RAP1GAP2: variants seen among roughly 807,000 people sequenced by gnomAD.
RAP1GAP2 encodes the protein RAP1 GTPase activating protein 2, also known as rap1 GTPase-activating protein 2.
A neutral mutation model predicts 95.0 loss-of-function variants in RAP1GAP2; 27 were observed. That is an observed-to-expected ratio of 0.28 (90% CI 0.21 to 0.39). The LOEUF is 0.39. Among genes scored for constraint, RAP1GAP2 ranks in the 10% least tolerant of loss-of-function variants. RAP1GAP2 has a pLI of 1.00. For missense variants in RAP1GAP2, 771 were observed against 970.0 expected (o/e 0.79, Z 2.72); for synonymous variants, 373 against 380.9 (o/e 0.98, Z 0.24).
At chr17:2,849,671 G>T (rs4550484) in intron 2 of RAP1GAP2, among the ~76,000 whole-genome samples, 19,053 of 152,198 alleles carry the variant, frequency 0.13, 2,226 homozygotes, top group East Asian at 0.32. Flanking sequence ...GGCAGCTGCC[G>T]GGCACTTTGT....
At chr17:2,991,047 G>A (rs866454592) in intron 11 of RAP1GAP2, among the ~76,000 whole-genome samples, 6 of 151,884 alleles carry the variant, frequency 4.0e-5, no homozygotes, top group Admixed American at 6.6e-5. Context: ...GTTTCACCAT[G>A]TTGGCCAGGC....
rs1264436055 is a variant in RAP1GAP2, at chr17:2,789,652, T to C, written c.-13-10863T>C. On this transcript the variant is annotated intron_variant, in intron 1 of 24. Transcript: ENST00000540393. ...AAAACATTAGCCAGGCATGGTGGCG[T>C]GTACTGGTAGTCCTAGCTACTCTGG... Among the ~76,000 whole-genome samples, 3 of 143,122 alleles carry C rather than the reference T, an allele frequency of 2.1e-5. No individual in the cohort carries two copies. In the East Asian group the frequency reaches 6.1e-4, roughly 29 times the overall value. 93.9% of individuals were successfully genotyped at this position (143,122 alleles called of 152,430 possible).
chr17:2,782,243 C>T (rs1325711157), intron 1 of RAP1GAP2, among the ~76,000 whole-genome samples: 4 of 152,214 alleles, frequency 2.6e-5, no homozygotes, highest in African/African-American at 9.7e-5. Flanking sequence ...GCCTTCTGGG[C>T]AGGGCCTGAA....
chr17:2,799,351 G>A lies in RAP1GAP2; in HGVS notation c.45-1164G>A, dbSNP rs370191449. On this transcript the variant is annotated intron_variant, in intron 1 of 24. Coordinates refer to ENST00000254695, the MANE Select transcript of RAP1GAP2 (RefSeq NM_015085.5). Reference sequence around the variant, plus strand: ...CGTGGGCCAGGCCCCTCGGGGTGCCGCTTGCTTTGCTGTTGTAACTGAGAT... The same window carrying A: ...CGTGGGCCAGGCCCCTCGGGGTGCCACTTGCTTTGCTGTTGTAACTGAGAT... 5.6e-4 allele frequency among the ~76,000 whole-genome samples: 86 copies of A among 152,296 alleles called. No individual in the cohort carries two copies. The East Asian group carries it at 6.4e-3, about 11-fold the overall frequency.
chr17:2,983,312 G>T (rs1264355486), intron 10 of RAP1GAP2, among the ~76,000 whole-genome samples: 1 of 152,010 alleles, frequency 6.6e-6, no homozygotes, highest in African/African-American at 2.4e-5. Flanking sequence ...GTGTGCCACG[G>T]TAATTGACCA....
chr17:2,814,015 A>G (rs1393440879), intron 2 of RAP1GAP2, among the ~76,000 whole-genome samples: 2 of 152,144 alleles, frequency 1.3e-5, no homozygotes, highest in Admixed American at 6.6e-5. Context: ...ACGTTGCTCT[A>G]TTTCTGGGGC....
chr17:2,980,109 T>G (rs929090068), intron 8 of RAP1GAP2, among the ~76,000 whole-genome samples, 178 bp from the exon 9 acceptor site: 2 of 151,410 alleles, frequency 1.3e-5, no homozygotes, highest in Non-Finnish European at 2.9e-5. Flanking sequence ...TCTGGCTAAT[T>G]TTTTTGTATT....
chr17:2,765,765 A>C (rs186082492), intron 1 of RAP1GAP2, among the ~76,000 whole-genome samples: 42 of 151,104 alleles, frequency 2.8e-4, no homozygotes, highest in Non-Finnish European at 5.6e-4. Context: ...GAGTTTGAGC[A>C]AGAGCAGCCT....
At chr17:2,919,059 G>A (rs1346740954) in intron 3 of RAP1GAP2, among the ~76,000 whole-genome samples, 1 of 152,102 alleles carries the variant, frequency 6.6e-6, no homozygotes, top group Non-Finnish European at 1.5e-5. Flanking sequence ...TTTCTGCCCT[G>A]CCAGGTGCCC....
intron 16 of RAP1GAP2, among the ~76,000 whole-genome samples, chr17:3,007,514 G>C (rs1385455400): frequency 6.6e-6 from 1 of 152,202 alleles, no homozygotes; most frequent in Non-Finnish European, 1.5e-5. Context: ...TGATTGTAGG[G>C]TGACTCTTGG....
chr17:2,761,636 C>T (rs529894531), intron 1 of RAP1GAP2, among the ~76,000 whole-genome samples: 2 of 152,256 alleles, frequency 1.3e-5, no homozygotes, highest in African/African-American at 2.4e-5. Flanking sequence ...ACAGTTGTCC[C>T]TTTGTATCCT....
intron 19 of RAP1GAP2, among the ~76,000 whole-genome samples, chr17:3,023,956 TCATC>T (rs1224737645): frequency 2.6e-5 from 4 of 152,212 alleles, no homozygotes; most frequent in Non-Finnish European, 4.4e-5. Flanking sequence ...GTTTTCAGCT[TCATC>T]CATGTCCCTG....
intron 2 of RAP1GAP2, among the ~76,000 whole-genome samples, chr17:2,897,664 CT>C (rs1046171181): frequency 6.6e-6 from 1 of 151,912 alleles, no homozygotes; most frequent in African/African-American, 2.4e-5. Context: ...CCAGCCCCTC[CT>C]GAGACTTGCT....
intron 1 of RAP1GAP2, among the ~76,000 whole-genome samples, chr17:2,758,238 T>C (rs1315271907): frequency 1.5e-5 from 2 of 137,096 alleles, no homozygotes; most frequent in Non-Finnish European, 3.1e-5. Flanking sequence ...TGCAGTGGTG[T>C]GATCTTGGCT....
rs34468461 is a variant in RAP1GAP2 at position 2,969,496 on chromosome 17, C to CTTTTTTTTTTTTTTTTT, written c.596+3860_596+3876dup. Among the ~76,000 whole-genome samples the CTTTTTTTTTTTTTTTTT allele has an allele frequency of 4.8e-4, 40 of 83,778 alleles. 3 individuals are homozygous for CTTTTTTTTTTTTTTTTT. Among genetic ancestry groups the CTTTTTTTTTTTTTTTTT allele is most frequent in the African/African-American group, 1.7e-3 (37 of 21,964 alleles). The allele number at this position is 83,778 out of a possible 152,430, so 55.0% of individuals were successfully genotyped here. A position where few individuals can be genotyped will look rare whatever the true frequency, so the allele number is the denominator to read the frequency against. On this transcript the variant is annotated intron_variant, in intron 8 of 24. Coordinates refer to ENST00000254695, the MANE Select transcript of RAP1GAP2 (RefSeq NM_015085.5). ...GTAAAGATGTGTAAATATATATATT[C>CTTTTTTTTTTTTTTTTT]TTTTTTTTTTTTTTTTTTTTTTTGA...
intron 3 of RAP1GAP2, among the ~76,000 whole-genome samples, chr17:2,949,089 T>G (rs2043818371): frequency 6.6e-6 from 1 of 151,946 alleles, no homozygotes; most frequent in South Asian, 2.1e-4. Context: ...TATCGGGAGG[T>G]GGTGGGGACA....
At chr17:2,982,227 C>T (rs1199386233) in intron 10 of RAP1GAP2, among the ~76,000 whole-genome samples, 5 of 152,224 alleles carry the variant, frequency 3.3e-5, no homozygotes, top group Admixed American at 2.0e-4. Context: ...GCAACCTGCA[C>T]CTCCTGGTTG....
intron 2 of RAP1GAP2, among the ~76,000 whole-genome samples, chr17:2,838,647 C>T (rs868255801): frequency 8.5e-5 from 13 of 152,142 alleles, no homozygotes; most frequent in African/African-American, 1.9e-4. Flanking sequence ...GGAAGGGAGG[C>T]GGGTGGAATT....
upstream of RAP1GAP2, among the ~76,000 whole-genome samples, chr17:2,792,433 T>C (rs141142160): frequency 6.6e-6 from 1 of 152,192 alleles, no homozygotes; most frequent in East Asian, 1.9e-4. Context: ...CTGGAGAGAT[T>C]AGGTAACTTG....
Sources: gnomAD v4.1 joint callset for allele counts (sites outside exome capture counted in the v4.1 genomes callset) on GRCh38, gnomAD v4.1.1 for gene constraint, MANE v1.5 for transcripts, NCBI Gene and HGNC (gene_info 2026-07-23, HGNC 2026-07-21) for gene names.